Variants in TNFAIP8 observed in about 807,000 individuals in gnomAD.
TNFAIP8 encodes the protein tumor necrosis factor alpha-induced protein 8.
TNFAIP8 carries 7 observed loss-of-function variants against 13.3 expected under a neutral mutation model. That is an observed-to-expected ratio of 0.52 (90% confidence interval 0.30 to 0.99). TNFAIP8 has a LOEUF of 0.99. TNFAIP8 is among the 50% of genes least tolerant of loss of function. TNFAIP8 has a pLI of 0.07. For missense variants in TNFAIP8, 258 were observed against 236.9 expected (o/e 1.09, Z -0.58); for synonymous variants, 94 against 87.6 (o/e 1.07, Z -0.41).
chr5:119,299,036 T>C (rs1749274603), intron 1 of TNFAIP8, among the ~76,000 whole-genome samples: 1 of 152,218 alleles, frequency 6.6e-6, no homozygotes, highest in South Asian at 2.1e-4. Flanking sequence ...TTTTAACTTC[T>C]TTGCCTTTGG....
intron 1 of TNFAIP8, among the ~76,000 whole-genome samples, chr5:119,315,054 G>T (rs1005830988): frequency 5.3e-4 from 80 of 151,688 alleles, no homozygotes; most frequent in Non-Finnish European, 5.0e-4. Flanking sequence ...GCTAATTTTT[G>T]TGTGTGTGTG....
intron 1 of TNFAIP8, among the ~76,000 whole-genome samples, chr5:119,332,796 C>T (rs953846027): frequency 3.9e-5 from 6 of 152,210 alleles, no homozygotes; most frequent in African/African-American, 1.4e-4. Context: ...TAAACAGGCT[C>T]CTAAAGAAAC....
intron 1 of TNFAIP8, among the ~76,000 whole-genome samples, chr5:119,302,348 A>G (rs1749421878): frequency 6.6e-6 from 1 of 152,204 alleles, no homozygotes; most frequent in Non-Finnish European, 1.5e-5. Context: ...ATTAGAGAAA[A>G]TGATTTCTAG....
chr5:119,319,957 A>T (rs1290589600), intron 1 of TNFAIP8, among the ~76,000 whole-genome samples: 1 of 152,212 alleles, frequency 6.6e-6, no homozygotes, highest in Non-Finnish European at 1.5e-5. Context: ...GAACCAGTGG[A>T]TTGAAGCACA....
intron 1 of TNFAIP8, among the ~76,000 whole-genome samples, chr5:119,271,168 G>C (rs530726377): frequency 6.6e-6 from 1 of 152,338 alleles, no homozygotes; most frequent in South Asian, 2.1e-4. Context: ...TATGAGGCCA[G>C]TTCTTTGCAA....
chr5:119,384,495 A>C (rs1752599536), intron 1 of TNFAIP8, among the ~76,000 whole-genome samples: 1 of 152,164 alleles, frequency 6.6e-6, no homozygotes, highest in African/African-American at 2.4e-5. Context: ...AAAAACATAA[A>C]AAATAAATAA....
intron 1 of TNFAIP8, among the ~76,000 whole-genome samples, chr5:119,349,554 C>T (rs1332210343): frequency 6.6e-6 from 1 of 152,220 alleles, no homozygotes; most frequent in African/African-American, 2.4e-5. Context: ...TAATCAGGGC[C>T]AGGTCTCCCA....
chr5:119,300,065 G>A (rs1749335456), intron 1 of TNFAIP8, among the ~76,000 whole-genome samples: 1 of 152,256 alleles, frequency 6.6e-6, no homozygotes, highest in Non-Finnish European at 1.5e-5. Flanking sequence ...TGCTTCCCGA[G>A]TGAGGCAATG....
In TNFAIP8 at chr5:119,395,918, T is replaced by G. The variant is rs1753062314; in HGVS notation, c.*2537T>G. The G allele has an allele frequency of 6.6e-6, 1 of 152,244 alleles. No homozygotes were observed. Among genetic ancestry groups the G allele is most frequent in the South Asian group, 2.1e-4 (1 of 4,836 alleles). 9.4% of individuals were successfully genotyped at this position (152,244 alleles called of 1,614,324 possible). Reference sequence around the variant, plus strand: ...AATTGTGTTGTAATTGATTTTATTTTGTGCTGGTGGCTTCTCTGCAAAAAT... The same window carrying G: ...AATTGTGTTGTAATTGATTTTATTTGGTGCTGGTGGCTTCTCTGCAAAAAT... On this transcript the variant is annotated 3_prime_UTR_variant, in exon 2 of 2. Transcript: ENST00000504771.
chr5:119,275,081 G>T (rs1405925291), intron 1 of TNFAIP8, among the ~76,000 whole-genome samples: 2 of 149,598 alleles, frequency 1.3e-5, no homozygotes, highest in Non-Finnish European at 3.0e-5. Flanking sequence ...GTTTAAAGAA[G>T]ATTAAAATGA....
Position 119,281,306 on chromosome 5 carries a change from A to ACACT in TNFAIP8, c.1+12400_1+12401insACTC. ...CACACATACACACACACACACACAC[A>ACACT]CTCTCTCTCTCTCACACTTACATGC... On this transcript the variant is annotated intron_variant, in intron 1 of 1. Coordinates refer to the TNFAIP8 transcript ENST00000274456. Among the ~76,000 whole-genome samples the ACACT allele has an allele frequency of 4.0e-3, 462 of 114,220 alleles. 2 individuals are homozygous for ACACT. The highest frequency in any genetic ancestry group is 0.014 in the African/African-American group (453 of 32,864). 74.9% of individuals were successfully genotyped at this position (114,220 alleles called of 152,430 possible). A position where few individuals can be genotyped will look rare whatever the true frequency, so the allele number is the denominator to read the frequency against.
intron 1 of TNFAIP8, among the ~76,000 whole-genome samples, chr5:119,381,124 C>T (rs182577453): frequency 2.5e-4 from 38 of 152,320 alleles, no homozygotes; most frequent in Middle Eastern, 3.4e-3. Flanking sequence ...ATTCTGATTC[C>T]GTTGGTTTAG....
intron 1 of TNFAIP8, among the ~76,000 whole-genome samples, chr5:119,292,429 TTAAA>T (rs1448236831): frequency 6.6e-6 from 1 of 151,932 alleles, no homozygotes; most frequent in East Asian, 1.9e-4. Flanking sequence ...TCCTTATTTA[TTAAA>T]TAAAACATTA....
Position 119,356,095 on chromosome 5 carries a change from A to C in TNFAIP8, c.5A>C (p.His2Pro), listed in dbSNP as rs376810561. Residue 2 changes from histidine (H) to proline (P), a missense_variant, in exon 1 of 2, where the codon CAC (histidine) becomes CCC (proline). His to Pro is a moderately conservative substitution (Grantham distance 77). Transcript: ENST00000504771. Reference sequence around the variant, plus strand: ...GCAGCTGGTTATCCTGACATTATGCACTCCGAAGCAGAAGAATCCAAGGAA... The same window carrying C: ...GCAGCTGGTTATCCTGACATTATGCCCTCCGAAGCAGAAGAATCCAAGGAA... MHSEAEESKEVA... is the reference protein window; with the variant it reads MPSEAEESKEVA... The C allele has an allele frequency of 1.9e-6, 3 of 1,586,418 alleles. No homozygotes were observed. The Admixed American group carries it at 5.2e-5, about 28-fold the overall frequency.
chr5:119,325,785 C>T (rs934607871), intron 1 of TNFAIP8, among the ~76,000 whole-genome samples: 6 of 152,166 alleles, frequency 3.9e-5, no homozygotes, highest in African/African-American at 7.2e-5. Context: ...CCCTTGCTTC[C>T]GTCACTGTAG....
intron 1 of TNFAIP8, among the ~76,000 whole-genome samples, chr5:119,334,138 C>CTAAAAAAAA (rs1750471380): frequency 9.2e-6 from 1 of 108,226 alleles, no homozygotes; most frequent in Non-Finnish European, 1.8e-5. Flanking sequence ...TCTCTAACAA[C>CTAAAAAAAA]CAAAAAAAAA....
intron 1 of TNFAIP8, among the ~76,000 whole-genome samples, chr5:119,379,649 G>A (rs114071958): frequency 0.012 from 1,825 of 152,182 alleles, 41 homozygotes; most frequent in African/African-American, 0.042. Context: ...GGAGTGGAGT[G>A]GCGTGATCTG....
At chr5:119,387,257 T>C (rs1752717315) in intron 1 of TNFAIP8, among the ~76,000 whole-genome samples, 2 of 152,190 alleles carry the variant, frequency 1.3e-5, no homozygotes. Flanking sequence ...TCCCATTAGA[T>C]TTAGAATTAT....
chr5:119,368,057 G>A (rs547377806), intron 1 of TNFAIP8, among the ~76,000 whole-genome samples: 121 of 152,274 alleles, frequency 7.9e-4, no homozygotes, highest in African/African-American at 2.7e-3. Context: ...GTGAAATAAT[G>A]TTTCCCTGCC....
Sources: allele counts gnomAD v4.1 joint callset (sites outside exome capture counted in the v4.1 genomes callset), GRCh38; gene constraint gnomAD v4.1.1; transcripts MANE v1.5; gene names NCBI Gene and HGNC (gene_info 2026-07-23, HGNC 2026-07-21).